The following AGBL4 variants were observed in gnomAD, a reference collection of about 807,000 sequenced individuals.
AGBL4 encodes the protein cytosolic carboxypeptidase 6.
A neutral mutation model predicts 66.4 loss-of-function variants in AGBL4; 58 were observed. The ratio of observed to expected loss-of-function variants is 0.87; its 90% CI spans 0.71 to 1.09. AGBL4 has a LOEUF of 1.09. Among genes scored for constraint, AGBL4 ranks in the 50% least tolerant of loss-of-function variants. AGBL4 has a pLI of 0.00. For synonymous variants in AGBL4, 234 were observed against 222.9 expected, an observed-to-expected ratio of 1.05 and a Z score of -0.44; for missense variants, 579 against 631.0, an observed-to-expected ratio of 0.92 and a Z score of 0.88.
chr1:49,658,751 C>T (rs1029181926), intron 3 of AGBL4, among the ~76,000 whole-genome samples: 11 of 151,850 alleles, frequency 7.2e-5, no homozygotes, highest in East Asian at 1.9e-4. Flanking sequence ...AGCAAACTAT[C>T]GCAAGGACAA....
intron 3 of AGBL4, among the ~76,000 whole-genome samples, chr1:49,514,866 C>T (rs1649633549): frequency 6.6e-6 from 1 of 152,060 alleles, no homozygotes; most frequent in Admixed American, 6.6e-5. Context: ...CCCTTCCTTA[C>T]ACCTTATACA....
intron 5 of AGBL4, among the ~76,000 whole-genome samples, chr1:48,899,388 G>A (rs1232577693): frequency 6.6e-6 from 1 of 151,336 alleles, no homozygotes; most frequent in Non-Finnish European, 1.5e-5. Flanking sequence ...GAATAAAAAA[G>A]GAAAAATGAA....
intron 3 of AGBL4, among the ~76,000 whole-genome samples, chr1:49,435,427 G>A (rs910673522): frequency 1.3e-5 from 2 of 152,164 alleles, no homozygotes; most frequent in South Asian, 2.1e-4. Context: ...AGTATAGTGT[G>A]TGATGCAATA....
intron 3 of AGBL4, among the ~76,000 whole-genome samples, chr1:49,253,565 A>G (rs573644847): frequency 6.6e-6 from 1 of 152,320 alleles, no homozygotes; most frequent in South Asian, 2.1e-4. Context: ...TGGGGACCAG[A>G]TGGATTCACA....
chr1:49,948,048 A>ATATG (rs1392487979), intron 1 of AGBL4, among the ~76,000 whole-genome samples: 3 of 6,974 alleles, frequency 4.3e-4, no homozygotes, highest in East Asian at 2.7e-3. Context: ...ATATAAATAT[A>ATATG]TAAATATATA....
At chr1:49,360,811 TTTTTTAA>T (rs1644120500) in intron 3 of AGBL4, among the ~76,000 whole-genome samples, 1 of 152,206 alleles carries the variant, frequency 6.6e-6, no homozygotes, top group Non-Finnish European at 1.5e-5. Context: ...TGGTTGTATT[TTTTTTAA>T]TTTTTATTTT....
chr1:48,700,390 G>T (rs1191169271), intron 6 of AGBL4, among the ~76,000 whole-genome samples: 1 of 152,236 alleles, frequency 6.6e-6, no homozygotes, highest in Non-Finnish European at 1.5e-5. Flanking sequence ...GAAATGCACA[G>T]CATTTGCATG....
At chr1:48,738,723 G>A (rs991283001) in intron 6 of AGBL4, among the ~76,000 whole-genome samples, 1 of 152,142 alleles carries the variant, frequency 6.6e-6, no homozygotes, top group Non-Finnish European at 1.5e-5. Context: ...TTGCTTTCCT[G>A]TGATCTTTTA....
At chr1:49,072,371 G>A (rs1644624540) in intron 4 of AGBL4, among the ~76,000 whole-genome samples, 1 of 152,148 alleles carries the variant, frequency 6.6e-6, no homozygotes, top group Non-Finnish European at 1.5e-5. Flanking sequence ...GTTTTGCAGT[G>A]GCTGGTACCG....
At chr1:49,828,137 C>T (rs1025152405) in intron 2 of AGBL4, among the ~76,000 whole-genome samples, 1 of 150,758 alleles carries the variant, frequency 6.6e-6, no homozygotes, top group Non-Finnish European at 1.5e-5. Flanking sequence ...AAAAAAAAAA[C>T]AACTCATTAC....
Position 48,851,272 on chromosome 1 carries a change from G to A in AGBL4, c.634+15919C>T, listed in dbSNP as rs561649071. On this transcript the variant is annotated intron_variant, in intron 6 of 13. Coordinates refer to ENST00000371839, the MANE Select transcript of AGBL4 (RefSeq NM_032785.4). ...CCAGTGGAGAGAAAGTGGTTAGGTT[G>A]CCCCTCCTCTGCATCTTTAGGAAGG... 3.3e-5 allele frequency among the ~76,000 whole-genome samples: 5 copies of A among 152,266 alleles called. No individual in the cohort carries two copies. In the East Asian group the frequency reaches 9.7e-4, roughly 29 times the overall value.
intron 4 of AGBL4, among the ~76,000 whole-genome samples, chr1:49,070,156 T>C (rs1427761682): frequency 1.3e-5 from 2 of 152,132 alleles, no homozygotes; most frequent in South Asian, 4.1e-4. Flanking sequence ...GTTTTCTAAA[T>C]AAACAATCAT....
intron 3 of AGBL4, among the ~76,000 whole-genome samples, chr1:49,593,989 T>C (rs1175581914): frequency 6.6e-6 from 1 of 152,190 alleles, no homozygotes; most frequent in Non-Finnish European, 1.5e-5. Context: ...TCCTCCAGTA[T>C]ATGCAAGGAA....
At chr1:49,131,806 G>A (rs1397554894) in intron 4 of AGBL4, among the ~76,000 whole-genome samples, 1 of 152,108 alleles carries the variant, frequency 6.6e-6, no homozygotes, top group African/African-American at 2.4e-5. Context: ...CTAGGTGAGT[G>A]TTGATGACAT....
chr1:49,632,109 A>T (rs1422812149), intron 3 of AGBL4, among the ~76,000 whole-genome samples: 1 of 152,232 alleles, frequency 6.6e-6, no homozygotes, highest in Non-Finnish European at 1.5e-5. Flanking sequence ...TCAAGGAACT[A>T]AGAGTGTAGT....
chr1:49,046,927 A>G (rs1006539477), intron 4 of AGBL4, among the ~76,000 whole-genome samples: 3 of 152,208 alleles, frequency 2.0e-5, no homozygotes, highest in Non-Finnish European at 4.4e-5. Context: ...GAAGCCAAAG[A>G]CTACAGGGGC....
intron 3 of AGBL4, among the ~76,000 whole-genome samples, chr1:49,552,760 A>G (rs1191157231): frequency 6.6e-6 from 1 of 152,138 alleles, no homozygotes; most frequent in African/African-American, 2.4e-5. Context: ...ATGATTCACA[A>G]TGCAAGGCCC....
chr1:48,805,287 C>G (rs1475275705), intron 6 of AGBL4, among the ~76,000 whole-genome samples: 1 of 152,094 alleles, frequency 6.6e-6, no homozygotes, highest in African/African-American at 2.4e-5. Context: ...TGTTTTCCAT[C>G]AAAAGGAATA....
At chr1:49,544,883 G>C (rs1386390122) in intron 3 of AGBL4, among the ~76,000 whole-genome samples, 2 of 152,202 alleles carry the variant, frequency 1.3e-5, no homozygotes, top group African/African-American at 4.8e-5. Context: ...AGAACGAGGT[G>C]AACCCCGGAC....
Sources: allele counts gnomAD v4.1 joint callset (sites outside exome capture counted in the v4.1 genomes callset), GRCh38; gene constraint gnomAD v4.1.1; transcripts MANE v1.5; gene names NCBI Gene and HGNC (gene_info 2026-07-23, HGNC 2026-07-21).